Variants in CABP1 observed in about 807,000 individuals in gnomAD.
The protein encoded by CABP1 is calcium-binding protein 1.
Under a neutral mutation model 34.3 loss-of-function variants are expected in CABP1, and 17 were observed. The observed-to-expected ratio is 0.50, with a 90% CI of 0.34 to 0.74. The LOEUF (loss-of-function observed/expected upper bound fraction) is 0.74, where lower values mean the gene tolerates loss of function less well. Among genes scored for constraint, CABP1 ranks in the 30% least tolerant of loss-of-function variants. The pLI, the probability that CABP1 is intolerant of heterozygous loss-of-function variation, is 0.01. For missense variants in CABP1, 373 were observed against 511.1 expected (o/e 0.73, Z 2.61); for synonymous variants, 198 against 229.2 (o/e 0.86, Z 1.23).
chr12:120,667,585 T>C (rs1299376900), downstream of CABP1, among the ~76,000 whole-genome samples: 1 of 152,082 alleles, frequency 6.6e-6, no homozygotes, highest in East Asian at 1.9e-4. Flanking sequence ...GCTTCCCAGG[T>C]TCAAGCGATT....
At chr12:120,657,496 A>AAG (rs1880304629) in intron 1 of CABP1, among the ~76,000 whole-genome samples, 1 of 152,198 alleles carries the variant, frequency 6.6e-6, no homozygotes, top group African/African-American at 2.4e-5. Flanking sequence ...GTCTGCCTCT[A>AAG]GAGTCCAAGT....
At chr12:120,667,810 A>C (rs1319053682), downstream of CABP1, among the ~76,000 whole-genome samples, 1 of 152,092 alleles carries the variant, frequency 6.6e-6, no homozygotes, top group East Asian at 1.9e-4. Flanking sequence ...TTGAGTACCT[A>C]TTATGTACTC....
intron 5 of CABP1, among the ~76,000 whole-genome samples, chr12:120,665,846 C>A (rs1055716709): frequency 2.6e-5 from 4 of 151,466 alleles, no homozygotes; most frequent in African/African-American, 2.4e-5. Flanking sequence ...ATGGTGAAAC[C>A]CCATCTCTAT....
At position 120,646,181 on chromosome 12, in the gene CABP1, C is replaced by A. The variant is rs571537423; in HGVS notation, c.654+4842C>A. ...AGGTCACATAAGTGTGTTCCCTGTT[C>A]GTCAGAAGCATCTGCAAAGCACCTC... On this transcript the variant is annotated intron_variant, in intron 1 of 5. Coordinates refer to ENST00000316803, the MANE Select transcript of CABP1 (RefSeq NM_001033677.2). 6.6e-5 allele frequency among the ~76,000 whole-genome samples: 10 copies of A among 152,290 alleles called. No homozygotes were observed. The South Asian group carries it at 2.1e-3, about 32-fold the overall frequency.
intron 1 of CABP1, chr12:120,656,020 G>A (rs750233148): frequency 6.7e-5 from 108 of 1,603,760 alleles, no homozygotes; most frequent in Non-Finnish European, 8.5e-5. Flanking sequence ...AGCCCCTCCC[G>A]GGACCAGGAG....
At chr12:120,666,239 G>C (rs1282474459) in intron 5 of CABP1, among the ~76,000 whole-genome samples, 2 of 150,168 alleles carry the variant, frequency 1.3e-5, no homozygotes, top group African/African-American at 4.9e-5. Flanking sequence ...GAAGAAGGGA[G>C]GGGGTACAGG....
rs1446232811 is a variant in CABP1, at chr12:120,661,130, G to A, written c.999G>A (p.Lys333=). 2 of 1,613,866 alleles carry A rather than the reference G, an allele frequency of 1.2e-6. No individual in the cohort carries two copies. The highest frequency in any genetic ancestry group is 1.7e-4 in the Middle Eastern group (1 of 6,060). The change falls in exon 5 of 6, where the codon AAG becomes AAA. Residue 333 remains lysine (K), a synonymous_variant. Transcript: ENST00000316803. The surrounding 1 kb of genome is among the most constrained non-coding windows in gnomAD (Gnocchi z 5.1). ...GTGAGCTGCGAGAGGCTATGAGGAAGCTCCTGGGTCATCAGGTGGGACACC... is the reference window on the plus strand; with the variant it reads ...GTGAGCTGCGAGAGGCTATGAGGAAACTCCTGGGTCATCAGGTGGGACACC... ...STSELREAMR[K]LLGHQVGHRD... is the part of the protein sequence containing the mutation.
intron 1 of CABP1, chr12:120,656,001 C>G (rs1224941585): frequency 6.3e-7 from 1 of 1,585,478 alleles, no homozygotes; most frequent in Non-Finnish European, 8.6e-7. Context: ...AGGGTCCCCT[C>G]TTGCGGAAAG....
chr12:120,650,014 C>CGT (rs960469461), intron 1 of CABP1: 7 of 144,476 alleles, frequency 4.8e-5, no homozygotes, highest in Non-Finnish European at 4.5e-5. Flanking sequence ...TTTGTGCGCG[C>CGT]GTGTGTGTGT....
the CABP1 span, among the ~76,000 whole-genome samples, chr12:120,680,515 A>G: frequency 6.6e-6 from 1 of 152,152 alleles, no homozygotes; most frequent in Non-Finnish European, 1.5e-5. Flanking sequence ...CAGCCGCCCC[A>G]AGTGTTTCTG....
Position 120,667,230 on chromosome 12 carries a change from GC to G in CABP1, c.*334del. On this transcript the variant is annotated 3_prime_UTR_variant, in exon 6 of 6. Transcript: ENST00000316803. ...CCAGCAGACCCCACACAGCATGTCC[GC>G]CCCAGGGCAAAGCCTCCCACCTTCG... 2.1e-6 allele frequency: 1 copy of G among 475,292 alleles called. No individual in the cohort carries two copies. The highest frequency in any genetic ancestry group is 3.8e-6 in the Non-Finnish European group (1 of 261,818). 29.4% of individuals were successfully genotyped at this position (475,292 alleles called of 1,614,324 possible).
chr12:120,665,991 C>G (rs146128091), intron 5 of CABP1, among the ~76,000 whole-genome samples: 1 of 146,536 alleles, frequency 6.8e-6, no homozygotes, highest in East Asian at 2.0e-4. Flanking sequence ...GCACTCCAGC[C>G]TAGGTGACAG....
intron 1 of CABP1, among the ~76,000 whole-genome samples, chr12:120,654,849 G>C (rs934482203): frequency 6.6e-5 from 10 of 152,234 alleles, no homozygotes; most frequent in African/African-American, 2.2e-4. Context: ...GAACCTTCAG[G>C]GCGGAGGATC....
chr12:120,668,459 G>A (rs569774918), downstream of CABP1, among the ~76,000 whole-genome samples: 12 of 152,292 alleles, frequency 7.9e-5, 1 homozygote, highest in African/African-American at 1.9e-4. Context: ...GCGAGACTCC[G>A]TCTAAAAAAA....
chr12:120,656,524 G>T (rs1391413577), intron 1 of CABP1, among the ~76,000 whole-genome samples: 1 of 152,216 alleles, frequency 6.6e-6, no homozygotes, highest in Non-Finnish European at 1.5e-5. Flanking sequence ...TGCCTAGTGT[G>T]TTGGCGGATT....
At chr12:120,647,558 G>GC (rs1879598053) in intron 1 of CABP1, among the ~76,000 whole-genome samples, 1 of 124,184 alleles carries the variant, frequency 8.1e-6, no homozygotes, top group Admixed American at 8.7e-5. Context: ...CTCAGTCCAA[G>GC]CCTTTTTTTT....
intron 1 of CABP1, chr12:120,650,784 C>T: frequency 8.1e-7 from 1 of 1,233,390 alleles, no homozygotes; most frequent in Non-Finnish European, 1.2e-6. Flanking sequence ...GCTTGCTATC[C>T]TTCCCAGGGG....
At chr12:120,650,433 C>CA (rs11322476) in intron 1 of CABP1, 55,155 of 1,210,764 alleles carry the variant, frequency 0.046, 23 homozygotes, top group African/African-American at 0.065. Flanking sequence ...ACAATCCACC[C>CA]AAAAAAAAAA....
rs751205092 is a variant in CABP1, at chr12:120,666,904, C to T, written c.*4C>T. 27 of 1,604,004 alleles carry T rather than the reference C, an allele frequency of 1.7e-5. No homozygotes were observed. In the Middle Eastern group the frequency reaches 8.3e-4, roughly 49 times the overall value. On this transcript the variant is annotated 3_prime_UTR_variant, in exon 6 of 6. Transcript: ENST00000316803. ...TGTCCGGATGATGTCCCGCTGAGGC[C>T]GCGAGGGCCCCTCCAGGACTGCCAA...
Sources: allele counts gnomAD v4.1 joint callset (sites outside exome capture counted in the v4.1 genomes callset), GRCh38; gene constraint gnomAD v4.1.1; non-coding constraint Gnocchi (gnomAD v3.1); transcripts MANE v1.5; gene names NCBI Gene and HGNC (gene_info 2026-07-23, HGNC 2026-07-21).